Variants in HEBP1 observed in about 807,000 individuals in gnomAD.
The protein encoded by HEBP1 is heme-binding protein 1.
A neutral mutation model predicts 20.4 loss-of-function variants in HEBP1; 13 were observed. That is an observed-to-expected ratio of 0.64 (90% CI 0.42 to 1.01). The LOEUF (loss-of-function observed/expected upper bound fraction) is 1.01, where lower values mean the gene tolerates loss of function less well. Among genes scored for constraint, HEBP1 ranks in the 50% least tolerant of loss-of-function variants. The pLI, the probability that HEBP1 is intolerant of heterozygous loss-of-function variation, is 0.00. For missense variants in HEBP1, 241 were observed against 247.3 expected, an observed-to-expected ratio of 0.97 and a Z score of 0.17; for synonymous variants, 92 against 90.7, an observed-to-expected ratio of 1.01 and a Z score of -0.08.
At chr12:12,976,269 TAAGGA>T (rs1320070430) in intron 3 of HEBP1, among the ~76,000 whole-genome samples, 2 of 152,168 alleles carry the variant, frequency 1.3e-5, no homozygotes, top group Non-Finnish European at 2.9e-5. Flanking sequence ...CTTTTTCTAG[TAAGGA>T]AAGAGACTGT....
rs141261931 is a variant in HEBP1 at position 12,975,372 on chromosome 12, G to A, written c.506C>T (p.Thr169Met). The stretch of plus-strand genomic sequence containing the variant: ...GGGCTTCATGGGAGGGTCATAACCC[G>A]TGCAGAAGTAGATGTCCCCCCGGTA... ...ATYRGDIYFC[T>M]GYDPPMKPYG... The change falls in exon 4 of 4, where the codon ACG becomes ATG. Residue 169 changes from threonine (T) to methionine (M), a missense_variant. Transcript: ENST00000014930. 6.7e-4 allele frequency: 1,087 copies of A among 1,613,990 alleles called. 14 individuals carry two copies. In the South Asian group the frequency reaches 7.0e-3, roughly 10 times the overall value.
At position 12,989,307 on chromosome 12, in the gene HEBP1, C is replaced by A; in HGVS notation, c.187G>T (p.Ala63Ser). ...EALREAMPKV[A>S]KYAGGTNDKG... ...TCATTGGTGCCCCCCGCATACTTTG[C>A]GACCTTGGGCATTGCTTCCCGTAGA... Residue 63 changes from alanine to serine, a missense_variant, in exon 2 of 4, where the codon GCA becomes TCA. Physicochemically the swap from Ala to Ser is moderately conservative, Grantham distance 99. Coordinates refer to ENST00000014930, the MANE Select transcript of HEBP1 (RefSeq NM_015987.5). The A allele has an allele frequency of 6.2e-7, 1 of 1,614,148 alleles. No homozygotes were observed. Among genetic ancestry groups the A allele is most frequent in the Non-Finnish European group, 8.5e-7 (1 of 1,180,008 alleles).
intron 3 of HEBP1, among the ~76,000 whole-genome samples, chr12:12,976,850 A>G (rs140091323): frequency 6.6e-6 from 1 of 152,342 alleles, no homozygotes; most frequent in East Asian, 1.9e-4. Context: ...TAGACAGACA[A>G]TGAACATCCA....
chr12:12,993,486 CCTCTCTCTCTCTCTCT>C (rs113869518), intron 1 of HEBP1, among the ~76,000 whole-genome samples: 14 of 134,876 alleles, frequency 1.0e-4, no homozygotes, highest in African/African-American at 3.5e-4. Flanking sequence ...TTTTTCTTTT[CCTCTCTCTCTCTCTCT>C]CTCTCTCTCT....
intron 3 of HEBP1, among the ~76,000 whole-genome samples, chr12:12,975,802 A>T (rs1863973616): frequency 6.6e-6 from 1 of 152,202 alleles, no homozygotes; most frequent in South Asian, 2.1e-4. Flanking sequence ...GAAATACCCA[A>T]GGGGACAGCA....
At chr12:12,999,701 T>C (rs1376222487) in intron 1 of HEBP1, among the ~76,000 whole-genome samples, 1 of 152,262 alleles carries the variant, frequency 6.6e-6, no homozygotes, top group Admixed American at 6.5e-5. Flanking sequence ...CGAGTGTCTC[T>C]CAACAAATCA....
At chr12:12,977,802 T>C (rs1308447124) in intron 3 of HEBP1, among the ~76,000 whole-genome samples, 1 of 152,198 alleles carries the variant, frequency 6.6e-6, no homozygotes, top group East Asian at 1.9e-4. Flanking sequence ...ACTATATAAT[T>C]TACTCATTAA....
intron 1 of HEBP1, among the ~76,000 whole-genome samples, chr12:12,991,297 G>A (rs1008979355): frequency 1.3e-5 from 2 of 152,062 alleles, no homozygotes; most frequent in Non-Finnish European, 2.9e-5. Context: ...TGGTTGAATC[G>A]TGGATCCAGA....
intron 2 of HEBP1, among the ~76,000 whole-genome samples, chr12:12,987,720 C>T (rs1015703444): frequency 1.7e-4 from 26 of 151,864 alleles, no homozygotes; most frequent in African/African-American, 6.1e-4. Context: ...ACTCTGCCTC[C>T]TGGGTTCCTG....
intron 3 of HEBP1, among the ~76,000 whole-genome samples, chr12:12,977,011 G>A (rs1031559044): frequency 2.0e-5 from 3 of 152,320 alleles, no homozygotes; most frequent in East Asian, 3.8e-4. Context: ...TACTTGTGCT[G>A]TGACACTGAA....
At chr12:12,993,486 CCTCT>C (rs113869518) in intron 1 of HEBP1, among the ~76,000 whole-genome samples, 6,201 of 134,656 alleles carry the variant, frequency 0.046, 181 homozygotes, top group Middle Eastern at 0.082. Flanking sequence ...TTTTTCTTTT[CCTCT>C]CTCTCTCTCT....
intron 1 of HEBP1, among the ~76,000 whole-genome samples, chr12:12,992,610 C>T (rs116522448): frequency 3.3e-5 from 5 of 152,158 alleles, no homozygotes; most frequent in African/African-American, 1.2e-4. Flanking sequence ...AGCAAGTCAG[C>T]CTTGACTGTG....
chr12:12,997,398 T>A (rs1251277612), intron 1 of HEBP1, among the ~76,000 whole-genome samples: 1 of 152,128 alleles, frequency 6.6e-6, no homozygotes, highest in Non-Finnish European at 1.5e-5. Flanking sequence ...TAGAGGTTAG[T>A]AAGCACCCTA....
At chr12:12,990,116 GCACACACACACACACA>G (rs36210276) in intron 1 of HEBP1, among the ~76,000 whole-genome samples, 22 of 149,608 alleles carry the variant, frequency 1.5e-4, no homozygotes, top group Middle Eastern at 3.4e-3. Context: ...TACTCTCTGT[GCACACACACACACACA>G]CACACACACA....
In HEBP1 at chr12:12,975,065, G is replaced by A. The variant is rs1863958900; in HGVS notation, c.*243C>T. Reference sequence around the variant, plus strand: ...GCTGCCAGGATTTTTCTGGTCTATCGCAGAATTTTCTACATCAATGAGAAG... The same window carrying A: ...GCTGCCAGGATTTTTCTGGTCTATCACAGAATTTTCTACATCAATGAGAAG... On this transcript the variant is annotated 3_prime_UTR_variant, in exon 4 of 4. Transcript: ENST00000014930. 2.9e-5 allele frequency: 10 copies of A among 347,000 alleles called. No individual in the cohort carries two copies. In the South Asian group the frequency reaches 3.9e-4, roughly 14 times the overall value. The allele number at this position is 347,000 out of a possible 1,614,324, so 21.5% of individuals were successfully genotyped here.
intron 2 of HEBP1, among the ~76,000 whole-genome samples, chr12:12,987,586 C>G (rs1022964141): frequency 2.7e-4 from 25 of 94,020 alleles, no homozygotes; most frequent in African/African-American, 7.3e-4. Flanking sequence ...GATTATCAGT[C>G]TCTTTCTCTC....
At position 12,987,176 on chromosome 12, in the gene HEBP1, C is replaced by A. The variant is rs377171510; in HGVS notation, c.374G>T (p.Arg125Leu). The A allele has an allele frequency of 2.2e-5, 35 of 1,614,012 alleles. No homozygotes were observed. Among genetic ancestry groups the A allele is most frequent in the Non-Finnish European group, 2.7e-5 (32 of 1,179,934 alleles). The change falls in exon 3 of 4, where the codon CGG becomes CTG. Residue 125 changes from arginine to leucine, a missense_variant. By Grantham distance (102) the Arg-to-Leu change is moderately radical. Coordinates refer to ENST00000014930, the MANE Select transcript of HEBP1 (RefSeq NM_015987.5). ...PSDKSVKIEE[R>L]EGITVYSMQF... ...CATGGAATAGACAGTGATGCCTTCCCGTTCCTCAATCTTAACGCTTTTGTC... is the reference window on the plus strand; with the variant it reads ...CATGGAATAGACAGTGATGCCTTCCAGTTCCTCAATCTTAACGCTTTTGTC...
At position 12,999,825 on chromosome 12, in the gene HEBP1, C is replaced by T. The variant is rs1387297570; in HGVS notation, c.78+212G>A. Among the ~76,000 whole-genome samples the T allele has an allele frequency of 2.6e-5, 4 of 152,196 alleles. No individual in the cohort carries two copies. In the South Asian group the frequency reaches 6.2e-4, roughly 24 times the overall value. On this transcript the variant is annotated intron_variant, in intron 1 of 3. Coordinates refer to ENST00000014930, the MANE Select transcript of HEBP1 (RefSeq NM_015987.5). The stretch of plus-strand genomic sequence containing the variant: ...ATCAGTCTCTCCTGTTTACCCCCCT[C>T]CTCTCACCACCGGCTGCAGGGGGAC...
In HEBP1 at chr12:13,000,068, C is replaced by T. The variant is rs1188838154; in HGVS notation, c.47G>A (p.Trp16Ter). ...CCCTTTGCTTAGGACCTGCCAAGGC[C>T]ACGTCTCTACGCTTCCGAACAGCGA... is the stretch of plus-strand genomic sequence containing the variant. Reference protein sequence around the residue: ...KNSLFGSVETWPWQVLSKGDK... With the variant: ...KNSLFGSVET The change falls in exon 1 of 4, where the codon TGG (tryptophan) becomes TAG (stop). Residue 16 changes from tryptophan (W) to a stop codon, truncating the protein, a stop_gained. Coordinates refer to ENST00000014930, the MANE Select transcript of HEBP1 (RefSeq NM_015987.5). LOFTEE classifies it high-confidence loss of function. 16 of 1,612,806 alleles carry T rather than the reference C, an allele frequency of 9.9e-6. No individual in the cohort carries two copies. The highest frequency in any genetic ancestry group is 1.4e-5 in the Non-Finnish European group (16 of 1,179,322).
Sources: gnomAD v4.1 joint callset for allele counts (sites outside exome capture counted in the v4.1 genomes callset) on GRCh38, gnomAD v4.1.1 for gene constraint, MANE v1.5 for transcripts, NCBI Gene and HGNC (gene_info 2026-07-23, HGNC 2026-07-21) for gene names.